MARCHF8: variants seen among roughly 807,000 people sequenced by gnomAD.
MARCHF8 encodes membrane associated ring-CH-type finger 8, also known as E3 ubiquitin-protein ligase MARCHF8.
Under a neutral mutation model 51.6 loss-of-function variants are expected in MARCHF8, and 40 were observed. The observed-to-expected ratio is 0.77, with a 90% CI of 0.60 to 1.01. The LOEUF (loss-of-function observed/expected upper bound fraction) is 1.01. Ranked by LOEUF, MARCHF8 falls within the 50% of genes least tolerant of loss-of-function variation. The pLI is 0.00. For missense variants in MARCHF8, 685 were observed against 708.6 expected (o/e 0.97, Z 0.38); for synonymous variants, 263 against 280.3 (o/e 0.94, Z 0.62).
intron 2 of MARCHF8, among the ~76,000 whole-genome samples, chr10:45,523,814 C>T (rs1282086409): frequency 6.6e-6 from 1 of 152,120 alleles, no homozygotes; most frequent in Admixed American, 6.5e-5. Context: ...CTTGGTTTTA[C>T]CTAGATTATG....
At chr10:45,564,985 TAAAA>T (rs60290162) in intron 1 of MARCHF8, among the ~76,000 whole-genome samples, 2 of 98,694 alleles carry the variant, frequency 2.0e-5, no homozygotes, top group African/African-American at 4.2e-5. Context: ...TAGGATCCAC[TAAAA>T]AAAAAAAAAA....
chr10:45,594,774 G>A (rs377261420), exon 1 of MARCHF8: 6 of 152,300 alleles, frequency 3.9e-5, no homozygotes, highest in African/African-American at 1.2e-4. Flanking sequence ...GTTACCTCAG[G>A]TGGGCTCTGA....
intron 1 of MARCHF8, among the ~76,000 whole-genome samples, chr10:45,544,634 C>T (rs1429306180): frequency 1.3e-5 from 2 of 152,162 alleles, no homozygotes; most frequent in African/African-American, 4.8e-5. Context: ...ATATATTATA[C>T]AATTCCGTTT....
chr10:45,482,777 A>T (rs2042910740), intron 3 of MARCHF8, among the ~76,000 whole-genome samples: 1 of 152,158 alleles, frequency 6.6e-6, no homozygotes, highest in Admixed American at 6.5e-5. Context: ...AACAACAACA[A>T]CAAAACAAAC....
intron 6 of MARCHF8, chr10:45,459,682 A>C: frequency 1.0e-6 from 1 of 983,972 alleles, no homozygotes; most frequent in Non-Finnish European, 1.2e-6. Context: ...ATGATGCCAC[A>C]ACACACTAGC....
At chr10:45,532,983 C>A in intron 2 of MARCHF8, 127 bp downstream of exon 2, 1 of 621,810 alleles carries the variant, frequency 1.6e-6, no homozygotes, top group Non-Finnish European at 2.4e-6. Flanking sequence ...CTGAGTACAA[C>A]TATTTGTGTG....
At chr10:45,516,465 T>C (rs939840932) in intron 2 of MARCHF8, among the ~76,000 whole-genome samples, 5 of 152,088 alleles carry the variant, frequency 3.3e-5, no homozygotes, top group African/African-American at 1.2e-4. Flanking sequence ...TGATTGATTA[T>C]TAAGAATCAA....
At chr10:45,547,872 A>G (rs2133328574) in intron 1 of MARCHF8, among the ~76,000 whole-genome samples, 1 of 152,308 alleles carries the variant, frequency 6.6e-6, no homozygotes, top group Middle Eastern at 3.4e-3. Context: ...AATAAATTAG[A>G]TATTTCAAAA....
At chr10:45,462,125 G>T (rs534261995) in intron 5 of MARCHF8, 110 of 152,354 alleles carry the variant, frequency 7.2e-4, no homozygotes, top group African/African-American at 2.4e-3. Flanking sequence ...AGCAGCTAGA[G>T]AACAGGTTGG....
intron 1 of MARCHF8, among the ~76,000 whole-genome samples, chr10:45,583,942 G>A (rs1179532532): frequency 1.4e-5 from 2 of 146,294 alleles, no homozygotes; most frequent in Admixed American, 1.4e-4. Context: ...AGGGGCGGAG[G>A]TTGCAGTGAG....
chr10:45,549,478 C>T (rs1035815750), intron 1 of MARCHF8, among the ~76,000 whole-genome samples: 1 of 152,174 alleles, frequency 6.6e-6, no homozygotes, highest in African/African-American at 2.4e-5. Flanking sequence ...CACATGTTGG[C>T]AGCAGCATCC....
At chr10:45,558,001 A>G (rs1422554398) in intron 1 of MARCHF8, among the ~76,000 whole-genome samples, 1 of 152,350 alleles carries the variant, frequency 6.6e-6, no homozygotes, top group East Asian at 1.9e-4. Context: ...AGAAATGTCA[A>G]TGATCAGTAT....
chr10:45,530,687 C>T (rs1373163336), intron 2 of MARCHF8, among the ~76,000 whole-genome samples: 1 of 152,116 alleles, frequency 6.6e-6, no homozygotes, highest in East Asian at 1.9e-4. Flanking sequence ...GCAGGAGGAT[C>T]ATTTGAGCCC....
chr10:45,508,705 T>C (rs1431922127), intron 2 of MARCHF8, among the ~76,000 whole-genome samples: 1 of 152,196 alleles, frequency 6.6e-6, no homozygotes, highest in Non-Finnish European at 1.5e-5. Context: ...GTACATAATA[T>C]CTAGGATTAT....
intron 1 of MARCHF8, among the ~76,000 whole-genome samples, chr10:45,579,518 A>C (rs943163402): frequency 2.0e-5 from 3 of 152,172 alleles, no homozygotes; most frequent in Non-Finnish European, 4.4e-5. Context: ...AAAGAAGCTA[A>C]TGAAGTTTTA....
chr10:45,556,543 T>C (rs1479471859), intron 1 of MARCHF8, among the ~76,000 whole-genome samples: 2 of 152,220 alleles, frequency 1.3e-5, no homozygotes, highest in African/African-American at 4.8e-5. Flanking sequence ...AAATTCTCCA[T>C]AATAAAAGTT....
At chr10:45,487,103 G>A (rs1041353749) in intron 3 of MARCHF8, among the ~76,000 whole-genome samples, 6 of 151,984 alleles carry the variant, frequency 3.9e-5, no homozygotes, top group Admixed American at 6.6e-5. Context: ...GAGCCACCAC[G>A]CCTGGCTTAC....
intron 1 of MARCHF8, among the ~76,000 whole-genome samples, chr10:45,583,425 T>C (rs900575096): frequency 3.3e-5 from 5 of 152,134 alleles, no homozygotes; most frequent in Admixed American, 6.5e-5. Context: ...ATGATCACTG[T>C]GACACCATTT....
chr10:45,527,790 C>T (rs1217715337), intron 2 of MARCHF8, among the ~76,000 whole-genome samples: 1 of 152,096 alleles, frequency 6.6e-6, no homozygotes, highest in Non-Finnish European at 1.5e-5. Context: ...CAAGCAAGGA[C>T]ACACAAAAAC....
Sources: gnomAD v4.1 joint callset for allele counts (sites outside exome capture counted in the v4.1 genomes callset) on GRCh38, gnomAD v4.1.1 for gene constraint, MANE v1.5 for transcripts, NCBI Gene and HGNC (gene_info 2026-07-23, HGNC 2026-07-21) for gene names.